Variants in FTO observed in about 807,000 individuals in gnomAD.
FTO encodes the protein alpha-ketoglutarate-dependent dioxygenase FTO.
A neutral mutation model predicts 63.9 loss-of-function variants in FTO; 47 were observed. The observed-to-expected ratio is 0.74, with a 90% CI of 0.58 to 0.94. The LOEUF is 0.94. Ranked by LOEUF, FTO falls within the 40% of genes least tolerant of loss-of-function variation. The pLI is 0.00. For synonymous variants in FTO, 207 were observed against 224.4 expected (o/e 0.92, Z 0.69); for missense variants, 562 against 618.1 (o/e 0.91, Z 0.96).
intron 1 of FTO, among the ~76,000 whole-genome samples, chr16:53,746,120 A>C (rs1276701347): frequency 6.6e-6 from 1 of 152,190 alleles, no homozygotes; most frequent in Non-Finnish European, 1.5e-5. Context: ...TCCTCTGAGC[A>C]CACTGGAAGA....
rs1001490880 is a variant in FTO at position 54,121,857 on chromosome 16, C to G, written c.*9942C>G. 1.3e-5 allele frequency: 2 copies of G among 152,130 alleles called. No homozygotes were observed. Among genetic ancestry groups the G allele is most frequent in the African/African-American group, 4.8e-5 (2 of 41,414 alleles). The allele number at this position is 152,130 out of a possible 1,614,324, so 9.4% of individuals were successfully genotyped here. On this transcript the variant is annotated 3_prime_UTR_variant, in exon 9 of 9. Coordinates refer to ENST00000471389, the MANE Select transcript of FTO (RefSeq NM_001080432.3). ...TGCTTATTACCCAGAAGCCCCGGCT[C>G]TTAGAGTTTCTATTAAGATGTACCT...
At chr16:54,029,219 C>A (rs1441702837) in intron 8 of FTO, among the ~76,000 whole-genome samples, 2 of 152,276 alleles carry the variant, frequency 1.3e-5, no homozygotes, top group East Asian at 3.9e-4. Context: ...ATTTCACAAG[C>A]ATGTCACAGG....
At chr16:53,713,402 G>T (rs181044418) in intron 1 of FTO, among the ~76,000 whole-genome samples, 2 of 152,100 alleles carry the variant, frequency 1.3e-5, no homozygotes, top group Non-Finnish European at 2.9e-5. Flanking sequence ...TGTTAAGGTG[G>T]TACTTTTGGA....
chr16:54,089,100 G>T (rs760812067), intron 8 of FTO, among the ~76,000 whole-genome samples: 1 of 152,160 alleles, frequency 6.6e-6, no homozygotes, highest in Non-Finnish European at 1.5e-5. Context: ...CATTCCTCTG[G>T]ACAGGAATTG....
At chr16:53,761,856 A>G (rs1484962115) in intron 1 of FTO, among the ~76,000 whole-genome samples, 4 of 152,288 alleles carry the variant, frequency 2.6e-5, no homozygotes, top group Non-Finnish European at 5.9e-5. Flanking sequence ...TACTTTGCTG[A>G]TCAAAGTATA....
intron 8 of FTO, among the ~76,000 whole-genome samples, chr16:54,095,842 T>C (rs896084343): frequency 2.6e-5 from 4 of 152,148 alleles, no homozygotes; most frequent in African/African-American, 9.7e-5. Context: ...AGCAGAAAGG[T>C]GGATGGAACA....
chr16:53,756,051 T>C (rs1307343339), intron 1 of FTO, among the ~76,000 whole-genome samples: 1 of 152,224 alleles, frequency 6.6e-6, no homozygotes, highest in Non-Finnish European at 1.5e-5. Context: ...TTTCCCTTCC[T>C]AAGTATTAAT....
At chr16:53,904,566 C>T (rs1183475074) in intron 7 of FTO, among the ~76,000 whole-genome samples, 3 of 152,144 alleles carry the variant, frequency 2.0e-5, no homozygotes, top group Non-Finnish European at 2.9e-5. Context: ...GATGTTATTA[C>T]GTGGTGGAAC....
intron 8 of FTO, among the ~76,000 whole-genome samples, chr16:54,024,764 G>A (rs2084678472): frequency 6.6e-6 from 1 of 152,146 alleles, no homozygotes; most frequent in Non-Finnish European, 1.5e-5. Context: ...TCAGGGAGTA[G>A]TGTCTGCCAC....
chr16:53,735,023 C>G (rs1027690116), intron 1 of FTO, among the ~76,000 whole-genome samples: 1 of 152,186 alleles, frequency 6.6e-6, no homozygotes, highest in Non-Finnish European at 1.5e-5. Flanking sequence ...AGCTCATGAT[C>G]CATTCCTTGG....
intron 1 of FTO, among the ~76,000 whole-genome samples, chr16:53,799,324 G>T (rs1429337094): frequency 6.6e-6 from 1 of 152,088 alleles, no homozygotes; most frequent in Non-Finnish European, 1.5e-5. Context: ...TTGTTTGTGG[G>T]AAGTTTTTGA....
At chr16:53,948,516 C>A (rs1332533286) in intron 8 of FTO, among the ~76,000 whole-genome samples, 4 of 152,190 alleles carry the variant, frequency 2.6e-5, no homozygotes, top group Non-Finnish European at 5.9e-5. Flanking sequence ...AGAGGCAATA[C>A]CCAGATTGTC....
chr16:53,888,347 G>A (rs2081053427), intron 6 of FTO, among the ~76,000 whole-genome samples: 1 of 53,950 alleles, frequency 1.9e-5, no homozygotes, highest in African/African-American at 6.2e-5. Flanking sequence ...AGGACGACCA[G>A]CACACACCAC....
intron 1 of FTO, among the ~76,000 whole-genome samples, chr16:53,782,558 C>T (rs2077614163): frequency 6.6e-6 from 1 of 152,152 alleles, no homozygotes; most frequent in Non-Finnish European, 1.5e-5. Flanking sequence ...TGCATCTTTC[C>T]TAATAGAATA....
intron 8 of FTO, among the ~76,000 whole-genome samples, chr16:53,946,747 C>G (rs895310001): frequency 6.6e-6 from 1 of 152,164 alleles, no homozygotes; most frequent in Admixed American, 6.5e-5. Flanking sequence ...TCCAGGTACC[C>G]CATGGCCTGG....
At chr16:53,798,648 T>C (rs1024544102) in intron 1 of FTO, among the ~76,000 whole-genome samples, 5 of 152,246 alleles carry the variant, frequency 3.3e-5, no homozygotes, top group Admixed American at 6.5e-5. Flanking sequence ...AATAGCTGTT[T>C]TGCAAATTCT....
intron 5 of FTO, among the ~76,000 whole-genome samples, chr16:53,874,963 G>A (rs1432393429): frequency 6.6e-6 from 1 of 152,108 alleles, no homozygotes; most frequent in Non-Finnish European, 1.5e-5. Flanking sequence ...TTAGTTGGGG[G>A]GGACAAATTT....
intron 1 of FTO, among the ~76,000 whole-genome samples, chr16:53,797,844 G>A (rs984681885): frequency 8.6e-5 from 13 of 151,728 alleles, no homozygotes; most frequent in African/African-American, 3.1e-4. Context: ...TTTCTTTTAT[G>A]GATTTTACTT....
chr16:53,815,636 G>GTT lies in FTO; in HGVS notation c.123+5448_123+5449dup, dbSNP rs556357629. On this transcript the variant is annotated intron_variant, in intron 2 of 8. Coordinates refer to ENST00000471389, the MANE Select transcript of FTO (RefSeq NM_001080432.3). ...ACCCTATAAGGCCATTGACTTTCTT[G>GTT]TTTTTTTTTTTTTTTTTTTTTTTTT... is the stretch of plus-strand genomic sequence containing the variant. 8.4e-3 allele frequency among the ~76,000 whole-genome samples: 821 copies of GTT among 98,042 alleles called. 69 individuals carry two copies. The highest frequency in any genetic ancestry group is 0.012 in the Non-Finnish European group (648 of 54,346). The allele number at this position is 98,042 out of a possible 152,430, so 64.3% of individuals were successfully genotyped here.
Sources: gnomAD v4.1 joint callset for allele counts (sites outside exome capture counted in the v4.1 genomes callset) on GRCh38, gnomAD v4.1.1 for gene constraint, MANE v1.5 for transcripts, NCBI Gene and HGNC (gene_info 2026-07-23, HGNC 2026-07-21) for gene names.